Variants in KDM6A observed in about 807,000 individuals in gnomAD.
KDM6A encodes lysine-specific demethylase 6A.
Under a neutral mutation model 117.6 loss-of-function variants are expected in KDM6A, and 11 were observed. The observed-to-expected ratio is 0.09, with a 90% confidence interval of 0.06 to 0.15. The LOEUF is 0.15. Ranked by LOEUF, KDM6A falls within the 10% of genes least tolerant of loss-of-function variation. The pLI, the probability that KDM6A is intolerant of heterozygous loss-of-function variation, is 1.00. For synonymous variants in KDM6A, 384 were observed against 396.1 expected, an observed-to-expected ratio of 0.97 and a Z score of 0.36; for missense variants, 799 against 1,077.3, an observed-to-expected ratio of 0.74 and a Z score of 3.62.
chrX:44,880,326 A>G (rs1302359278), intron 2 of KDM6A, among the ~76,000 whole-genome samples: 1 of 110,495 alleles, frequency 9.1e-6, no homozygotes, highest in Non-Finnish European at 1.9e-5. Flanking sequence ...TTCATGGGTC[A>G]ATTTAAATTC....
chrX:45,014,267 T>C (rs891815814), intron 5 of KDM6A, among the ~76,000 whole-genome samples: 1 of 112,096 alleles, frequency 8.9e-6, no homozygotes, highest in Admixed American at 9.5e-5. Context: ...CATCTTATGC[T>C]ACCTATTTTT....
chrX:45,095,577 G>T (rs1603013031), intron 27 of KDM6A, among the ~76,000 whole-genome samples: 1 of 111,828 alleles, frequency 8.9e-6, no homozygotes, highest in East Asian at 2.8e-4. Flanking sequence ...CCATATCATT[G>T]CTCTGGTCTT....
At chrX:45,022,991 T>C (rs1466086557) in intron 6 of KDM6A, among the ~76,000 whole-genome samples, 1 of 112,177 alleles carries the variant, frequency 8.9e-6, no homozygotes, top group Non-Finnish European at 1.9e-5. Flanking sequence ...GATCATTTCA[T>C]GTAGGAGAAA....
At chrX:44,967,382 A>T (rs2039085897) in intron 3 of KDM6A, among the ~76,000 whole-genome samples, 1 of 111,533 alleles carries the variant, frequency 9.0e-6, no homozygotes, top group South Asian at 3.7e-4. Flanking sequence ...GCAAATAGAC[A>T]TTTATTTTTA....
At chrX:44,984,767 C>T (rs1225785784) in intron 4 of KDM6A, among the ~76,000 whole-genome samples, 1 of 111,546 alleles carries the variant, frequency 9.0e-6, no homozygotes, top group Non-Finnish European at 1.9e-5. Flanking sequence ...TTCCATTGGT[C>T]TGTATCTCTG....
chrX:45,067,996 G>A (rs184900570), intron 17 of KDM6A, among the ~76,000 whole-genome samples: 4 of 111,396 alleles, frequency 3.6e-5, no homozygotes, highest in African/African-American at 9.8e-5. Flanking sequence ...AGGTAGATAA[G>A]CCTATTGAGT....
chrX:45,082,800 G>A lies in KDM6A; in HGVS notation c.3440+11G>A. ...ATCTGATGACAAAAAGTAAGTCCTT[G>A]TAGTAATATTTCTGTGAACTGATGC... On this transcript the variant is annotated intron_variant, in intron 23 of 29. Transcript: ENST00000611820. 1 of 1,102,198 alleles carries A rather than the reference G, an allele frequency of 9.1e-7. No homozygotes were observed. The highest frequency in any genetic ancestry group is 1.3e-6 in the Non-Finnish European group (1 of 796,622). The allele number at this position is 1,102,198 out of a possible 1,213,427, so 90.8% of individuals were successfully genotyped here. A position where few individuals can be genotyped will look rare whatever the true frequency, so the allele number is the denominator to read the frequency against.
At chrX:45,015,153 G>T (rs1256199148) in intron 5 of KDM6A, among the ~76,000 whole-genome samples, 2 of 109,426 alleles carry the variant, frequency 1.8e-5, no homozygotes, top group Non-Finnish European at 3.8e-5. Context: ...CCAGGCTGGA[G>T]TGTAGTGGCA....
intron 2 of KDM6A, among the ~76,000 whole-genome samples, chrX:44,900,264 A>G (rs778592168): frequency 1.8e-5 from 2 of 112,155 alleles, no homozygotes; most frequent in East Asian, 5.6e-4. Flanking sequence ...AGTGATTCAG[A>G]AGTTTTTAGG....
intron 21 of KDM6A, among the ~76,000 whole-genome samples, chrX:45,081,659 A>G (rs1223049129): frequency 8.9e-6 from 1 of 112,094 alleles, no homozygotes; most frequent in East Asian, 2.8e-4. Flanking sequence ...GCTTTCCTCA[A>G]GTTTTCTCTC....
chrX:44,971,794 A>G (rs1003685944), intron 3 of KDM6A, among the ~76,000 whole-genome samples: 1 of 111,392 alleles, frequency 9.0e-6, no homozygotes, highest in African/African-American at 3.3e-5. Flanking sequence ...GGGTTTAGGT[A>G]AAGTTTGTTT....
At chrX:44,982,013 G>A (rs183150764) in intron 4 of KDM6A, among the ~76,000 whole-genome samples, 1 of 111,983 alleles carries the variant, frequency 8.9e-6, no homozygotes, top group Admixed American at 9.4e-5. Flanking sequence ...AACCCGGGAG[G>A]CAGAGGTTGC....
chrX:45,055,784 T>C (rs2044046827), intron 10 of KDM6A, among the ~76,000 whole-genome samples: 1 of 111,600 alleles, frequency 9.0e-6, no homozygotes, highest in Non-Finnish European at 1.9e-5. Context: ...AAAATTTCTT[T>C]TAGCATAGAT....
chrX:44,940,928 G>A (rs752939148), intron 2 of KDM6A, among the ~76,000 whole-genome samples: 79 of 111,089 alleles, frequency 7.1e-4, no homozygotes, highest in African/African-American at 2.5e-3. Flanking sequence ...CCAGCTACTC[G>A]GGAGGCCGAG....
intron 23 of KDM6A, 118 bp from the exon 24 acceptor site, chrX:45,083,342 A>G: frequency 4.5e-6 from 3 of 673,494 alleles, no homozygotes; most frequent in Non-Finnish European, 4.4e-6. Context: ...ATGGAAAAGT[A>G]AAATATTTAT....
At position 44,992,205 on chromosome X, in the gene KDM6A, T is replaced by C. The variant is rs113608035; in HGVS notation, c.384+17490T>C. On this transcript the variant is annotated intron_variant, in intron 4 of 29. Transcript: ENST00000611820. ...ACGAAATTTAGCAATACTGTCTTCTTCTTTTTTTTTTTTTTTTTTTTTTTT... is the reference window on the plus strand; with the variant it reads ...ACGAAATTTAGCAATACTGTCTTCTCCTTTTTTTTTTTTTTTTTTTTTTTT... Among the ~76,000 whole-genome samples the C allele has an allele frequency of 2.7e-3, 205 of 74,983 alleles. 4 individuals are homozygous for C. Among genetic ancestry groups the C allele is most frequent in the African/African-American group, 0.011 (198 of 18,730 alleles). The allele number at this position is 74,983 out of a possible 115,157, so 65.1% of individuals were successfully genotyped here. A position where few individuals can be genotyped will look rare whatever the true frequency, so the allele number is the denominator to read the frequency against.
rs1480316435 is a variant in KDM6A at position 45,109,043 on chromosome X, G to A, written c.4162-1036G>A. The stretch of plus-strand genomic sequence containing the variant: ...TAGATGATGAGTTAGTGGGTGCAGC[G>A]CACCACCATGGCACATGTATACATA... On this transcript the variant is annotated intron_variant, in intron 28 of 29. Transcript: ENST00000611820. Among the ~76,000 whole-genome samples the A allele has an allele frequency of 1.1e-4, 11 of 102,604 alleles. No individual in the cohort carries two copies. The East Asian group carries it at 3.0e-3, about 28-fold the overall frequency. 89.1% of individuals were successfully genotyped at this position (102,604 alleles called of 115,157 possible). A position where few individuals can be genotyped will look rare whatever the true frequency, so the allele number is the denominator to read the frequency against.
At chrX:44,999,089 G>A (rs970817618) in intron 4 of KDM6A, among the ~76,000 whole-genome samples, 3 of 99,438 alleles carry the variant, frequency 3.0e-5, no homozygotes, top group African/African-American at 4.8e-5. Context: ...AGGCCGAGGC[G>A]GGTGGATCAC....
chrX:45,105,683 A>G (rs1221700737), intron 27 of KDM6A, among the ~76,000 whole-genome samples: 10 of 112,122 alleles, frequency 8.9e-5, no homozygotes, highest in Non-Finnish European at 1.7e-4. Context: ...GGTGCCCTAT[A>G]CAGGCACGCA....
Sources: gnomAD v4.1 joint callset for allele counts (sites outside exome capture counted in the v4.1 genomes callset) on GRCh38, gnomAD v4.1.1 for gene constraint, MANE v1.5 for transcripts, NCBI Gene and HGNC (gene_info 2026-07-23, HGNC 2026-07-21) for gene names.